Variants in PLA2G4F observed in about 807,000 individuals in gnomAD.
PLA2G4F encodes the protein cytosolic phospholipase A2 zeta.
Under a neutral mutation model 103.1 loss-of-function variants are expected in PLA2G4F, and 105 were observed. That is an observed-to-expected ratio of 1.02 (90% CI 0.87 to 1.20). PLA2G4F has a LOEUF of 1.20. Ranked by LOEUF, PLA2G4F falls within the 50% of genes most tolerant of loss-of-function variation. PLA2G4F has a pLI of 0.00. For missense variants in PLA2G4F, 1,155 were observed against 1,075.9 expected (o/e 1.07, Z -1.03); for synonymous variants, 468 against 441.1 (o/e 1.06, Z -0.76).
rs936191155 is a variant in PLA2G4F, at chr15:42,150,416, A to G, written c.842T>C (p.Leu281Pro). ...LGEGGILLSSLPLGQEEQCSV... is the reference protein window; with the variant it reads ...LGEGGILLSSPPLGQEEQCSV... ...ACACTGTTCCTCCTGGCCTAGGGGC[A>G]GAGAGGAGAGCAGGATGCCCCCCTC... Residue 281 changes from leucine (L) to proline (P), a missense_variant, in exon 9 of 20, where the codon CTG becomes CCG. Around this residue, in one of 3 missense-constraint regions of PLA2G4F, gnomAD observed 370 missense variants for 364.9 expected, o/e 1.01. Transcript: ENST00000397272. The G allele has an allele frequency of 5.6e-6, 9 of 1,613,138 alleles. No individual in the cohort carries two copies. In the Admixed American group the frequency reaches 8.3e-5, roughly 15 times the overall value.
rs990970669 is a variant in PLA2G4F at position 42,154,430 on chromosome 15, C to T, written c.213G>A (p.Leu71=). 1.2e-6 allele frequency: 2 copies of T among 1,606,030 alleles called. No individual in the cohort carries two copies. The highest frequency in any genetic ancestry group is 1.7e-6 in the Non-Finnish European group (2 of 1,174,814). ...LLSKADCYVQ[L]WLPTASPSPA... is the part of the protein sequence containing the mutation. Reference sequence around the variant, plus strand: ...GGCTTGGGGACGCCGTGGGCAGCCACAGTTGCACATAGCAGTCGGCTTTGG... The same window carrying T: ...GGCTTGGGGACGCCGTGGGCAGCCATAGTTGCACATAGCAGTCGGCTTTGG... Residue 71 remains leucine, a synonymous_variant, in exon 3 of 20, where the codon CTG becomes CTA. Coordinates refer to ENST00000397272, the MANE Select transcript of PLA2G4F (RefSeq NM_213600.4).
intron 11 of PLA2G4F, chr15:42,148,747 G>C (rs1027173026): frequency 4.1e-6 from 4 of 985,248 alleles, no homozygotes; most frequent in Non-Finnish European, 4.8e-6. Context: ...CCATGCTTTT[G>C]GTTGCTTAGC....
chr15:42,144,196 G>C (rs1475408316), intron 17 of PLA2G4F, 52 bp from the exon 18 acceptor site: 1 of 1,537,456 alleles, frequency 6.5e-7, no homozygotes, highest in Non-Finnish European at 8.8e-7. Context: ...ACTCTTGCTA[G>C]CAACCGCTTC....
rs1483566311 is a variant in PLA2G4F, at chr15:42,147,122, A to G, written c.1419+2T>C. The G allele has an allele frequency of 6.2e-7, 1 of 1,611,306 alleles. No individual in the cohort carries two copies. The highest frequency in any genetic ancestry group is 8.5e-7 in the Non-Finnish European group (1 of 1,179,364). On this transcript the variant is annotated splice_donor_variant, in intron 13 of 19. Coordinates refer to ENST00000397272, the MANE Select transcript of PLA2G4F (RefSeq NM_213600.4). LOFTEE classifies it high-confidence loss of function. ...CGTATTTCCTTCTGGCTCTTCTCTC[A>G]CCTCCTGGTACAGGAGATACTCAAC...
At position 42,141,409 on chromosome 15, in the gene PLA2G4F, G is replaced by A; in HGVS notation, c.*575C>T. The A allele has an allele frequency of 2.2e-6, 1 of 455,522 alleles. No individual in the cohort carries two copies. The highest frequency in any genetic ancestry group is 1.6e-5 in the South Asian group (1 of 64,434). The allele number at this position is 455,522 out of a possible 1,614,324, so 28.2% of individuals were successfully genotyped here. A position where few individuals can be genotyped will look rare whatever the true frequency, so the allele number is the denominator to read the frequency against. ...GGTGATCTGGGAGGAGGCACGAGGA[G>A]ACCAGAAGGCAGAAGGAGGGTTAGG... On this transcript the variant is annotated 3_prime_UTR_variant, in exon 20 of 20. Transcript: ENST00000397272.
intron 11 of PLA2G4F, 163 bp from the exon 12 acceptor site, chr15:42,147,925 T>C (rs1412663269): frequency 1.4e-6 from 1 of 723,694 alleles, no homozygotes; most frequent in East Asian, 1.3e-4. Flanking sequence ...GCACAGTGGC[T>C]CACGCCTGTA....
In PLA2G4F at chr15:42,150,475, G is replaced by T. The variant is rs777650187; in HGVS notation, c.783C>A (p.Ser261Arg). The change falls in exon 9 of 20, where the codon AGC (serine) becomes AGA (arginine). Residue 261 changes from serine (S) to arginine (R), a missense_variant. Ser to Arg is a moderately radical substitution (Grantham distance 110). Coordinates refer to ENST00000397272, the MANE Select transcript of PLA2G4F (RefSeq NM_213600.4). ...TGCTGGTCTGAGCCTCCAACTCTGC[G>T]CTGGGGCCACTCTGTGGAAAAGAAA... is the stretch of plus-strand genomic sequence containing the variant. ...ELLAAVQSGP[S>R]AELEAQTSKL... 1.9e-6 allele frequency: 3 copies of T among 1,612,604 alleles called. No individual in the cohort carries two copies. Among genetic ancestry groups the T allele is most frequent in the East Asian group, 2.2e-5 (1 of 44,870 alleles).
chr15:42,154,603 G>C, intron 2 of PLA2G4F, 145 bp from the exon 3 acceptor site: 3 of 853,280 alleles, frequency 3.5e-6, no homozygotes, highest in Non-Finnish European at 5.1e-6. Context: ...GGTGGAGGGA[G>C]AGCCTTGATG....
chr15:42,147,326 C>A lies in PLA2G4F; in HGVS notation c.1217G>T (p.Arg406Met), dbSNP rs201453358. 108 of 1,608,166 alleles carry A rather than the reference C, an allele frequency of 6.7e-5. No individual in the cohort carries two copies. In the East Asian group the frequency reaches 2.2e-3, roughly 33 times the overall value. Residue 406 changes from arginine (R) to methionine (M), a missense_variant, in exon 13 of 20, where the codon AGG (arginine) becomes ATG (methionine). By Grantham distance (91) the Arg-to-Met change is moderately conservative. Transcript: ENST00000397272. ...GSTWCISTLY[R>M]DPAWSQVALQ... ...GGCCACCTGGGACCAGGCTGGGTCC[C>A]TGTAGAGTGTGGAGATGCACCTGGG...
At position 42,147,104 on chromosome 15, in the gene PLA2G4F, C is replaced by CTGGCT. The variant is rs769633403; in HGVS notation, c.1419+19_1419+20insAGCCA. The CTGGCT allele has an allele frequency of 5.6e-6, 9 of 1,603,296 alleles. No homozygotes were observed. The Admixed American group carries it at 1.5e-4, about 27-fold the overall frequency. On this transcript the variant is annotated intron_variant, in intron 13 of 19. Coordinates refer to ENST00000397272, the MANE Select transcript of PLA2G4F (RefSeq NM_213600.4). Reference sequence around the variant, plus strand: ...GGAGTGGAGAGGAGCCTACGTATTTCCTTCTGGCTCTTCTCTCACCTCCTG... The same window carrying CTGGCT: ...GGAGTGGAGAGGAGCCTACGTATTTCTGGCTCTTCTGGCTCTTCTCTCACCTCCTG...
Position 42,148,976 on chromosome 15 carries a change from A to G in PLA2G4F, c.1059+737T>C, listed in dbSNP as rs1287922643. 6 of 985,238 alleles carry G rather than the reference A, an allele frequency of 6.1e-6. No homozygotes were observed. The South Asian group carries it at 2.8e-4, about 46-fold the overall frequency. 61.0% of individuals were successfully genotyped at this position (985,238 alleles called of 1,614,324 possible). On this transcript the variant is annotated intron_variant, in intron 11 of 19. Coordinates refer to ENST00000397272, the MANE Select transcript of PLA2G4F (RefSeq NM_213600.4). ...CTTGTCAGCGCTGGGCCACAGTGAT[A>G]GCGTCTCCTGAGGACTCAGGCAGCC...
intron 4 of PLA2G4F, 59 bp from the exon 5 acceptor site, chr15:42,153,719 T>A (rs547040207): frequency 6.3e-7 from 1 of 1,589,700 alleles, no homozygotes; most frequent in East Asian, 2.2e-5. Context: ...TCCAGAGCTG[T>A]TCCTGCCTGC....
At position 42,149,822 on chromosome 15, in the gene PLA2G4F, C is replaced by T. The variant is rs149454729; in HGVS notation, c.950G>A (p.Gly317Asp). The change falls in exon 11 of 20, where the codon GGC (glycine) becomes GAC (aspartate). Residue 317 changes from glycine to aspartate, a missense_variant. Gly to Asp is a moderately conservative substitution (Grantham distance 94, BLOSUM62 -1). This residue lies in a region of PLA2G4F where 782 missense variants were observed against 692.9 expected (regional missense o/e 1.13). Coordinates refer to ENST00000397272, the MANE Select transcript of PLA2G4F (RefSeq NM_213600.4). ...CTGCTCCCCGTCAGAGAGGTCAAAG[C>T]CAAGGCGTAGGTCTAGGTCCCCGGA... is the stretch of plus-strand genomic sequence containing the variant. ...MSSGDLDLRL[G>D]FDLSDGEQEF... 1.4e-5 allele frequency: 22 copies of T among 1,614,106 alleles called. No homozygotes were observed. The African/African-American group carries it at 2.7e-4, about 20-fold the overall frequency.
rs531994085 is a variant in PLA2G4F, at chr15:42,147,741, C to T, written c.1081G>A (p.Gly361Ser). Residue 361 changes from glycine to serine, a missense_variant, in exon 12 of 20, where the codon GGT becomes AGT. Transcript: ENST00000397272. ...ATGGCTCGGGTTCCACCCCCGGAAC[C>T]CAACACAGCCACTACAGGCACCTGG... ...SGQVPVVAVL[G>S]SGGGTRAMSS... 1 of 1,613,868 alleles carries T rather than the reference C, an allele frequency of 6.2e-7. No individual in the cohort carries two copies.
rs544911771 is a variant in PLA2G4F, at chr15:42,150,925, G to A, written c.602-148C>T. The A allele has an allele frequency of 3.7e-4, 528 of 1,444,152 alleles. 2 individuals carry two copies. In the African/African-American group the frequency reaches 7.0e-3, roughly 19 times the overall value. 89.5% of individuals were successfully genotyped at this position (1,444,152 alleles called of 1,614,324 possible). A position where few individuals can be genotyped will look rare whatever the true frequency, so the allele number is the denominator to read the frequency against. On this transcript the variant is annotated intron_variant, in intron 7 of 19. Coordinates refer to ENST00000397272, the MANE Select transcript of PLA2G4F (RefSeq NM_213600.4). ...TATCGCCCGCTCTCTCTTGAGCACT[G>A]CTCATAGAGAAAGCCTCTGGAAGGA...
chr15:42,148,780 T>C, intron 11 of PLA2G4F: 1 of 985,406 alleles, frequency 1.0e-6, no homozygotes, highest in Non-Finnish European at 1.2e-6. Flanking sequence ...ATTTGGCTCA[T>C]TCCACTCTGG....
Position 42,153,304 on chromosome 15 carries a change from A to G in PLA2G4F, c.530T>C (p.Leu177Pro). Residue 177 changes from leucine (L) to proline (P), a missense_variant, in exon 6 of 20, where the codon CTG becomes CCG. Physicochemically the swap from Leu to Pro is moderately conservative, Grantham distance 98. Coordinates refer to ENST00000397272, the MANE Select transcript of PLA2G4F (RefSeq NM_213600.4). ...PASEVITNGV[L>P]VAHPCLRIQG... ...AAGCTTGCCTTCCCCACTCACCACCAGAACCCCGTTGGTGATGACTTCAGA... is the reference window on the plus strand; with the variant it reads ...AAGCTTGCCTTCCCCACTCACCACCGGAACCCCGTTGGTGATGACTTCAGA... 2 of 1,614,126 alleles carry G rather than the reference A, an allele frequency of 1.2e-6. No individual in the cohort carries two copies. The highest frequency in any genetic ancestry group is 1.7e-6 in the Non-Finnish European group (2 of 1,179,964).
At chr15:42,156,346 C>T in intron 1 of PLA2G4F, 93 bp downstream of exon 1, 4 of 1,049,540 alleles carry the variant, frequency 3.8e-6, no homozygotes, top group Non-Finnish European at 5.5e-6. Context: ...CAACTCAAAA[C>T]CCAGGGCTGG....
rs764252912 is a variant in PLA2G4F at position 42,142,786 on chromosome 15, C to T, written c.2143-72G>A. ...ACTCCCGCCGCCCTGGACTCACACACGCCCAGGCTTCAATGCCAGCTCTGT... is the reference window on the plus strand; with the variant it reads ...ACTCCCGCCGCCCTGGACTCACACATGCCCAGGCTTCAATGCCAGCTCTGT... On this transcript the variant is annotated intron_variant, in intron 18 of 19. Coordinates refer to ENST00000397272, the MANE Select transcript of PLA2G4F (RefSeq NM_213600.4). 3.6e-4 allele frequency: 538 copies of T among 1,486,268 alleles called. 2 individuals carry two copies. The highest frequency in any genetic ancestry group is 8.9e-4 in the Middle Eastern group (5 of 5,602). The allele number at this position is 1,486,268 out of a possible 1,614,324, so 92.1% of individuals were successfully genotyped here.
Sources: allele counts gnomAD v4.1 joint callset, GRCh38; gene constraint gnomAD v4.1.1; regional missense constraint gnomAD v4.1.1; transcripts MANE v1.5; gene names NCBI Gene and HGNC (gene_info 2026-07-23, HGNC 2026-07-21).